CEP350: variants seen among roughly 807,000 people sequenced by gnomAD.
The protein encoded by CEP350 is centrosome-associated protein 350.
Under a neutral mutation model 331.8 loss-of-function variants are expected in CEP350, and 126 were observed. The ratio of observed to expected loss-of-function variants is 0.38; its 90% CI spans 0.33 to 0.44. The LOEUF is 0.44. Among genes scored for constraint, CEP350 ranks in the 20% least tolerant of loss-of-function variants. CEP350 has a pLI of 1.00. For synonymous variants in CEP350, 1,200 were observed against 1,259.5 expected (o/e 0.95, Z 1.00); for missense variants, 3,406 against 3,634.6 (o/e 0.94, Z 1.62).
At chr1:179,967,618 G>A (rs1477637345) in intron 1 of CEP350, among the ~76,000 whole-genome samples, 1 of 152,000 alleles carries the variant, frequency 6.6e-6, no homozygotes, top group Non-Finnish European at 1.5e-5. Context: ...CACCATGTTG[G>A]CCAGGCTGGT....
In CEP350 at chr1:180,003,086, T is replaced by C. The variant is rs1214523473; in HGVS notation, c.1019-88T>C. ...ACTAAAAGAGTGAATTTTATGTATG[T>C]CGATTATATATCACTTTAAAAAGTA... On this transcript the variant is annotated intron_variant, in intron 6 of 37. Transcript: ENST00000367607. The C allele has an allele frequency of 1.4e-5, 11 of 792,442 alleles. No individual in the cohort carries two copies. In the South Asian group the frequency reaches 2.0e-4, roughly 15 times the overall value. The allele number at this position is 792,442 out of a possible 1,614,324, so 49.1% of individuals were successfully genotyped here. A position where few individuals can be genotyped will look rare whatever the true frequency, so the allele number is the denominator to read the frequency against.
chr1:180,006,395 G>C (rs1571855832), intron 7 of CEP350, 59 bp from the exon 8 acceptor site: 1 of 873,464 alleles, frequency 1.1e-6, no homozygotes, highest in Non-Finnish European at 1.9e-6. Context: ...TATGGGCGGA[G>C]GATAAGTGAG....
chr1:180,074,983 G>T (rs1659129477), intron 27 of CEP350, 39 bp from the exon 28 acceptor site: 2 of 1,549,584 alleles, frequency 1.3e-6, no homozygotes, highest in Non-Finnish European at 1.7e-6. Context: ...CTGCATATAG[G>T]TTTTTTCTCT....
At position 179,955,060 on chromosome 1, in the gene CEP350, C is replaced by T. The variant is rs1318527610; in HGVS notation, c.-96C>T. On this transcript the variant is annotated 5_prime_UTR_variant, in exon 1 of 38. Transcript: ENST00000367607. ...GAGGCCAGGCCGGGCAGCCCTGGGG[C>T]CGGTCGGGGCGGCGTCACTGCACCC... is the stretch of plus-strand genomic sequence containing the variant. The T allele has an allele frequency of 1.4e-6, 2 of 1,410,846 alleles. No homozygotes were observed. Among genetic ancestry groups the T allele is most frequent in the Non-Finnish European group, 9.2e-7 (1 of 1,084,202 alleles). The allele number at this position is 1,410,846 out of a possible 1,614,324, so 87.4% of individuals were successfully genotyped here.
chr1:179,957,318 ATTG>A (rs1170883309), intron 1 of CEP350, among the ~76,000 whole-genome samples: 1 of 152,126 alleles, frequency 6.6e-6, no homozygotes, highest in Non-Finnish European at 1.5e-5. Context: ...TATAATTGTG[ATTG>A]TTATTTTTGC....
intron 11 of CEP350, among the ~76,000 whole-genome samples, chr1:180,019,690 A>G (rs1378018426): frequency 5.3e-5 from 8 of 152,218 alleles, no homozygotes; most frequent in African/African-American, 1.9e-4. Context: ...TATATATGGT[A>G]AAATCCCATT....
intron 27 of CEP350, among the ~76,000 whole-genome samples, chr1:180,072,960 A>G (rs1377300951): frequency 2.6e-5 from 4 of 151,664 alleles, no homozygotes; most frequent in Non-Finnish European, 5.9e-5. Flanking sequence ...TTTTTAATCC[A>G]TACACACACG....
chr1:180,104,904 C>T (rs1444885683), intron 37 of CEP350, among the ~76,000 whole-genome samples: 3 of 152,136 alleles, frequency 2.0e-5, no homozygotes, highest in Non-Finnish European at 2.9e-5. Context: ...TCACTTCCCC[C>T]GCATTATACA....
intron 1 of CEP350, among the ~76,000 whole-genome samples, chr1:179,959,302 G>A (rs1177876762): frequency 6.6e-6 from 1 of 151,960 alleles, no homozygotes; most frequent in Non-Finnish European, 1.5e-5. Flanking sequence ...CTAAAAATAC[G>A]AAAACTAGCA....
Position 180,044,092 on chromosome 1 carries a change from C to G in CEP350, c.4541C>G (p.Thr1514Ser). 1.3e-6 allele frequency: 2 copies of G among 1,557,532 alleles called. No individual in the cohort carries two copies. Among genetic ancestry groups the G allele is most frequent in the Non-Finnish European group, 1.7e-6 (2 of 1,149,684 alleles). ...TCACTCTCTCAGAGTAAAGAAGGGA[C>G]CCTTGACTCAAAGCATCAGAAGTAT... ...SVSLSQSKEG[T>S]LDSKHQKYSA... Residue 1514 changes from threonine to serine, a missense_variant, in exon 21 of 38, where the codon ACC becomes AGC. Physicochemically the swap from Thr to Ser is moderately conservative, Grantham distance 58. This residue lies in a region of CEP350 where 1,857 missense variants were observed against 1,909.2 expected (regional missense o/e 0.97). Coordinates refer to ENST00000367607, the MANE Select transcript of CEP350 (RefSeq NM_014810.5).
Position 180,095,777 on chromosome 1 carries a change from A to G in CEP350, c.8766A>G (p.Glu2922=). The part of the protein sequence containing the change: ...TLLAVPHTAE[E]VEILVHNAAE... ...TGGCAGTCCCCCATACTGCAGAAGA[A>G]GTAGAGATTCTTGTACATAATGCAG... The change falls in exon 35 of 38, where the codon GAA becomes GAG. Residue 2922 remains glutamate, a synonymous_variant. Transcript: ENST00000367607. 1 of 1,614,026 alleles carries G rather than the reference A, an allele frequency of 6.2e-7. No individual in the cohort carries two copies. The highest frequency in any genetic ancestry group is 8.5e-7 in the Non-Finnish European group (1 of 1,179,884).
At chr1:180,046,300 C>G (rs1461593629) in intron 21 of CEP350, among the ~76,000 whole-genome samples, 1 of 152,200 alleles carries the variant, frequency 6.6e-6, no homozygotes, top group African/African-American at 2.4e-5. Context: ...ATGGATTTGC[C>G]TATTCTGGAT....
chr1:180,046,388 T>G (rs1368534544), intron 21 of CEP350, among the ~76,000 whole-genome samples: 1 of 152,246 alleles, frequency 6.6e-6, no homozygotes, highest in Non-Finnish European at 1.5e-5. Flanking sequence ...GTTTTCAAGT[T>G]TCATGCATGT....
chr1:180,090,275 G>A (rs1440545092), intron 32 of CEP350, among the ~76,000 whole-genome samples: 1 of 152,058 alleles, frequency 6.6e-6, no homozygotes, highest in African/African-American at 2.4e-5. Context: ...GGCCGGGCGC[G>A]GTGGCTCACG....
Position 179,979,395 on chromosome 1 carries a change from T to TC in CEP350, c.-13-6774_-13-6773insC, listed in dbSNP as rs1553251244. Among the ~76,000 whole-genome samples, 7 of 151,120 alleles carry TC rather than the reference T, an allele frequency of 4.6e-5. No individual in the cohort carries two copies. In the South Asian group the frequency reaches 1.3e-3, roughly 27 times the overall value. On this transcript the variant is annotated intron_variant, in intron 1 of 37. Coordinates refer to ENST00000367607, the MANE Select transcript of CEP350 (RefSeq NM_014810.5). ...TTAATTAGATTATTTGGGGTGTTTTTTTTTTTTTTTGCTCTTAAGTTGTTT... is the reference window on the plus strand; with the variant it reads ...TTAATTAGATTATTTGGGGTGTTTTTCTTTTTTTTTTGCTCTTAAGTTGTTT...
chr1:180,036,991 G>T lies in CEP350; in HGVS notation c.4012G>T (p.Ala1338Ser). 6.3e-7 allele frequency: 1 copy of T among 1,597,126 alleles called. No homozygotes were observed. The highest frequency in any genetic ancestry group is 8.5e-7 in the Non-Finnish European group (1 of 1,171,638). Residue 1338 changes from alanine to serine, a missense_variant, in exon 17 of 38, where the codon GCC (alanine) becomes TCC (serine). By Grantham distance (99) the Ala-to-Ser change is moderately conservative (BLOSUM62 1). This residue lies in a region of CEP350 where 1,857 missense variants were observed against 1,909.2 expected (regional missense o/e 0.97). Coordinates refer to ENST00000367607, the MANE Select transcript of CEP350 (RefSeq NM_014810.5). ...RMAAELSYLN[A>S]IEESVRQLSD... ...GGCAGCAGAACTCAGTTATCTGAAC[G>T]CCATTGAGGAGTCGGTGCGCCAACT...
At chr1:180,073,693 TA>T (rs1348168528) in intron 27 of CEP350, 1 of 977,484 alleles carries the variant, frequency 1.0e-6, no homozygotes, top group Non-Finnish European at 1.4e-6. Flanking sequence ...GGAAGCATAT[TA>T]AAAGTTCTTC....
chr1:180,020,359 A>C lies in CEP350; in HGVS notation c.2585A>C (p.Asp862Ala), dbSNP rs1655245847. 1 of 1,613,692 alleles carries C rather than the reference A, an allele frequency of 6.2e-7. No homozygotes were observed. Among genetic ancestry groups the C allele is most frequent in the Non-Finnish European group, 8.5e-7 (1 of 1,179,910 alleles). ...GGGTCAGCATGGAACACTGAGTATG[A>C]TGTGCAGCAGGCACCTCAAGAAGAT... ...NYGSAWNTEYDVQQAPQEDGP... is the reference protein window; with the variant it reads ...NYGSAWNTEYAVQQAPQEDGP... The change falls in exon 12 of 38, where the codon GAT becomes GCT. Residue 862 changes from aspartate (D) to alanine (A), a missense_variant. This residue lies in a region of CEP350 where 1,857 missense variants were observed against 1,909.2 expected (regional missense o/e 0.97). Coordinates refer to ENST00000367607, the MANE Select transcript of CEP350 (RefSeq NM_014810.5).
chr1:180,077,428 C>CT (rs1422217527), intron 28 of CEP350, among the ~76,000 whole-genome samples: 2 of 151,928 alleles, frequency 1.3e-5, no homozygotes, highest in Admixed American at 6.5e-5. Context: ...AATCCCAACA[C>CT]TTTGGGAGGC....
Sources: allele counts gnomAD v4.1 joint callset (sites outside exome capture counted in the v4.1 genomes callset), GRCh38; gene constraint gnomAD v4.1.1; regional missense constraint gnomAD v4.1.1; transcripts MANE v1.5; gene names NCBI Gene and HGNC (gene_info 2026-07-23, HGNC 2026-07-21).